Variants in PEX5L observed in about 807,000 individuals in gnomAD.
The protein encoded by PEX5L is peroxisomal biogenesis factor 5 like.
In PEX5L, 30 loss-of-function variants were observed where a neutral mutation model predicts 84.0. That is an observed-to-expected ratio of 0.36 (90% CI 0.27 to 0.48). The LOEUF is 0.48. Ranked by LOEUF, PEX5L falls within the 20% of genes least tolerant of loss-of-function variation. The pLI, the probability that PEX5L is intolerant of heterozygous loss-of-function variation, is 0.99. For missense variants in PEX5L, 533 were observed against 754.6 expected (o/e 0.71, Z 3.44); for synonymous variants, 270 against 283.1 (o/e 0.95, Z 0.46).
rs1243941707 is a variant in PEX5L, at chr3:179,880,088, C to T, written c.346G>A (p.Glu116Lys). The T allele has an allele frequency of 2.5e-6, 4 of 1,612,934 alleles. No homozygotes were observed. Among genetic ancestry groups the T allele is most frequent in the Admixed American group, 3.3e-5 (2 of 59,878 alleles). ...TTGGTTTGGGTTTGAGAGACTGGTT[C>T]ACTCAGGTCGAGGAGATCTAAGCCA... ...TTGLDLLDLS[E>K]PVSQTQTKAK... is the part of the protein sequence containing the mutation. The change falls in exon 5 of 15, where the codon GAA becomes AAA. Residue 116 changes from glutamate to lysine, a missense_variant. Transcript: ENST00000467460.
At chr3:179,916,363 G>C (rs192311940) in intron 2 of PEX5L, among the ~76,000 whole-genome samples, 113 of 152,188 alleles carry the variant, frequency 7.4e-4, no homozygotes, top group Non-Finnish European at 1.4e-3. Context: ...TAACACAATG[G>C]TTAAGCATTT....
chr3:179,819,901 G>T lies in PEX5L; in HGVS notation c.898C>A (p.Gln300Lys), dbSNP rs1053276211. Reference protein sequence around the residue: ...MARRNWISENQEAQNQVTISA... With the variant: ...MARRNWISENKEAQNQVTISA... ...ATGGTTACTTGGTTCTGGGCTTCTT[G>T]GTTCTCAGATATCCAGTTCCTCCGA... is the stretch of plus-strand genomic sequence containing the variant. Residue 300 changes from glutamine to lysine, a missense_variant, in exon 9 of 15, where the codon CAA (glutamine) becomes AAA (lysine). By Grantham distance (53) the Gln-to-Lys change is moderately conservative (BLOSUM62 1). Transcript: ENST00000467460. The T allele has an allele frequency of 6.2e-7, 1 of 1,613,994 alleles. No individual in the cohort carries two copies.
At chr3:179,859,024 A>G (rs760275510) in intron 8 of PEX5L, 38 bp downstream of exon 8, 5 of 1,317,804 alleles carry the variant, frequency 3.8e-6, no homozygotes, top group Non-Finnish European at 5.5e-6. Flanking sequence ...CACTCTCAGG[A>G]GCATGAAACA....
intron 1 of PEX5L, among the ~76,000 whole-genome samples, chr3:180,001,324 T>C (rs1420034201): frequency 1.4e-5 from 2 of 147,768 alleles, no homozygotes; most frequent in Non-Finnish European, 3.0e-5. Context: ...TTTATATTCA[T>C]ATATATATAT....
intron 4 of PEX5L, among the ~76,000 whole-genome samples, chr3:179,886,528 C>T (rs1005426059): frequency 6.6e-6 from 1 of 152,074 alleles, no homozygotes; most frequent in Non-Finnish European, 1.5e-5. Flanking sequence ...GGATTGCTTC[C>T]TTTAATCTTT....
intron 2 of PEX5L, among the ~76,000 whole-genome samples, chr3:179,965,129 T>C (rs1257993129): frequency 3.9e-5 from 6 of 152,208 alleles, no homozygotes; most frequent in Non-Finnish European, 8.8e-5. Context: ...CCGCTGAAAA[T>C]GTGCTAGACT....
chr3:179,807,045 A>C (rs902102676), intron 14 of PEX5L, among the ~76,000 whole-genome samples: 6 of 152,252 alleles, frequency 3.9e-5, no homozygotes, highest in Non-Finnish European at 5.9e-5. Flanking sequence ...TCATTATCTG[A>C]AAGAAATAAA....
At chr3:180,023,547 G>C (rs1790608901) in intron 1 of PEX5L, among the ~76,000 whole-genome samples, 1 of 152,054 alleles carries the variant, frequency 6.6e-6, no homozygotes, top group African/African-American at 2.4e-5. Context: ...GTAAACTGGG[G>C]GAATCGGCCC....
intron 8 of PEX5L, among the ~76,000 whole-genome samples, chr3:179,837,740 AT>A (rs1287396027): frequency 1.3e-5 from 2 of 152,256 alleles, no homozygotes; most frequent in Non-Finnish European, 2.9e-5. Flanking sequence ...ACATGGAGAA[AT>A]CTGTGCAGTT....
chr3:179,871,912 G>A (rs974560717), intron 7 of PEX5L, among the ~76,000 whole-genome samples: 2 of 152,036 alleles, frequency 1.3e-5, no homozygotes, highest in African/African-American at 4.8e-5. Flanking sequence ...TTTGAGACAG[G>A]GTGTTGCTCT....
intron 2 of PEX5L, among the ~76,000 whole-genome samples, chr3:179,927,075 T>A (rs1375753087): frequency 6.6e-6 from 1 of 152,244 alleles, no homozygotes; most frequent in African/African-American, 2.4e-5. Context: ...TGAGCTCAAA[T>A]TATTTTTAAT....
chr3:179,945,733 C>A (rs953898036), intron 2 of PEX5L, among the ~76,000 whole-genome samples: 2 of 152,176 alleles, frequency 1.3e-5, no homozygotes, highest in Admixed American at 1.3e-4. Context: ...GTCCTCTTGG[C>A]GTGGAGCTTT....
Position 179,795,825 on chromosome 3 carries a change from A to AAAT in PEX5L, c.*6000_*6002dup, listed in dbSNP as rs2108584743. On this transcript the variant is annotated 3_prime_UTR_variant, in exon 15 of 15. Coordinates refer to ENST00000467460, the MANE Select transcript of PEX5L (RefSeq NM_016559.3). ...TAAAATATGTAGAAATGTCTTTTCT[A>AAAT]AATAGTTAAATGTTTGTTACAGTTT... The AAAT allele has an allele frequency of 6.6e-6, 1 of 152,312 alleles. No homozygotes were observed. The highest frequency in any genetic ancestry group is 2.4e-5 in the African/African-American group (1 of 41,576). The allele number at this position is 152,312 out of a possible 1,614,324, so 9.4% of individuals were successfully genotyped here. A position where few individuals can be genotyped will look rare whatever the true frequency, so the allele number is the denominator to read the frequency against.
chr3:179,980,850 C>T (rs972521868), intron 1 of PEX5L, among the ~76,000 whole-genome samples: 3 of 151,972 alleles, frequency 2.0e-5, no homozygotes, highest in Admixed American at 6.6e-5. Context: ...ATGGTGAAAC[C>T]CTGTCTCTAC....
intron 3 of PEX5L, among the ~76,000 whole-genome samples, chr3:179,890,957 A>C (rs60158162): frequency 0.026 from 3,906 of 150,638 alleles, 184 homozygotes; most frequent in African/African-American, 0.091. Context: ...GCTTTACCAA[A>C]GGTAAAAAAA....
chr3:179,913,505 T>G (rs1161652023), intron 2 of PEX5L, among the ~76,000 whole-genome samples: 1 of 152,166 alleles, frequency 6.6e-6, no homozygotes, highest in Non-Finnish European at 1.5e-5. Context: ...GATTTAAAAA[T>G]TGCAGACATG....
At chr3:179,947,124 C>T (rs1455455427) in intron 2 of PEX5L, among the ~76,000 whole-genome samples, 5 of 152,052 alleles carry the variant, frequency 3.3e-5, no homozygotes, top group African/African-American at 9.7e-5. Context: ...TGTGAAAGTA[C>T]GCTCATCTGA....
intron 4 of PEX5L, among the ~76,000 whole-genome samples, chr3:179,881,760 T>C (rs1414642529): frequency 6.6e-6 from 1 of 152,198 alleles, no homozygotes; most frequent in Non-Finnish European, 1.5e-5. Flanking sequence ...GAGACAAAGA[T>C]ATTGGTTCTA....
At chr3:179,853,242 C>CT (rs1443675494) in intron 8 of PEX5L, among the ~76,000 whole-genome samples, 1 of 152,198 alleles carries the variant, frequency 6.6e-6, no homozygotes, top group Non-Finnish European at 1.5e-5. Flanking sequence ...AGCACAGTGC[C>CT]TGGCCCATGG....
Sources: gnomAD v4.1 joint callset for allele counts (sites outside exome capture counted in the v4.1 genomes callset) on GRCh38, gnomAD v4.1.1 for gene constraint, MANE v1.5 for transcripts, NCBI Gene and HGNC (gene_info 2026-07-23, HGNC 2026-07-21) for gene names.